CCDC146: variants seen among roughly 807,000 people sequenced by gnomAD.
CCDC146 encodes the protein coiled-coil domain-containing protein 146.
Under a neutral mutation model 119.3 loss-of-function variants are expected in CCDC146, and 92 were observed. That is an observed-to-expected ratio of 0.77 (90% confidence interval 0.65 to 0.92). CCDC146 has a LOEUF of 0.92. CCDC146 is among the 40% of genes least tolerant of loss of function. The pLI is 0.00. For synonymous variants in CCDC146, 372 were observed against 371.8 expected (o/e 1.00, Z -0.01); for missense variants, 1,000 against 1,103.0 (o/e 0.91, Z 1.32).
chr7:77,162,409 T>C (rs938371099), intron 1 of CCDC146, among the ~76,000 whole-genome samples: 5 of 152,240 alleles, frequency 3.3e-5, no homozygotes, highest in Non-Finnish European at 7.3e-5. Flanking sequence ...ATCTATGTTG[T>C]GCATTCTTGA....
At chr7:77,269,895 G>A (rs1049158940) in intron 9 of CCDC146, among the ~76,000 whole-genome samples, 1 of 152,122 alleles carries the variant, frequency 6.6e-6, no homozygotes, top group African/African-American at 2.4e-5. Context: ...AACAGGAGTG[G>A]GTCAGGCCAG....
At chr7:77,197,417 T>C (rs1791895068) in intron 2 of CCDC146, among the ~76,000 whole-genome samples, 1 of 152,226 alleles carries the variant, frequency 6.6e-6, no homozygotes, top group Non-Finnish European at 1.5e-5. Flanking sequence ...GATCAGTGGC[T>C]TGCCCACCTT....
chr7:77,131,552 T>C (rs958024010), intron 1 of CCDC146, among the ~76,000 whole-genome samples: 9 of 152,036 alleles, frequency 5.9e-5, no homozygotes, highest in Non-Finnish European at 5.9e-5. Flanking sequence ...ACCACGTCTC[T>C]ACTAAAAATA....
In CCDC146 at chr7:77,274,533, G is replaced by T. The variant is rs772445930; in HGVS notation, c.1321G>T (p.Glu441Ter). ...SKLVEQQLAEENKLLKEQENM... is the reference protein window; with the variant it reads ...SKLVEQQLAE The stretch of plus-strand genomic sequence containing the variant: ...GTTAGTAGAACAACAACTTGCAGAA[G>T]AAAACAAGCTTTTAAAGGAGCAAGA... Residue 441 changes from glutamate (E) to a stop codon, truncating the protein, a stop_gained, in exon 11 of 19, where the codon GAA becomes TAA. Transcript: ENST00000285871. LOFTEE classifies it high-confidence loss of function. The T allele has an allele frequency of 6.2e-7, 1 of 1,609,564 alleles. No homozygotes were observed. The highest frequency in any genetic ancestry group is 1.1e-5 in the South Asian group (1 of 90,284).
chr7:77,256,108 G>A (rs532515575), intron 5 of CCDC146, among the ~76,000 whole-genome samples: 2 of 151,872 alleles, frequency 1.3e-5, no homozygotes, highest in East Asian at 3.9e-4. Flanking sequence ...ATAATGTTGT[G>A]TTTAATTATA....
chr7:77,175,239 G>A (rs1442677131), intron 2 of CCDC146, among the ~76,000 whole-genome samples: 1 of 150,430 alleles, frequency 6.6e-6, no homozygotes, highest in East Asian at 2.0e-4. Context: ...CGAAATAATT[G>A]GCTCTTTGCT....
In CCDC146 at chr7:77,215,191, T is replaced by G. The variant is rs535227521; in HGVS notation, c.157-21756T>G. 4.2e-4 allele frequency among the ~76,000 whole-genome samples: 21 copies of G among 49,950 alleles called. No individual in the cohort carries two copies. The East Asian group carries it at 8.8e-3, about 21-fold the overall frequency. 32.8% of individuals were successfully genotyped at this position (49,950 alleles called of 152,430 possible). A position where few individuals can be genotyped will look rare whatever the true frequency, so the allele number is the denominator to read the frequency against. ...GTGGGGTGTTTTTATTTTTTTGGTG[T>G]TTTTTTTTTTTTGAAGTATTACTGT... On this transcript the variant is annotated intron_variant, in intron 2 of 18. Coordinates refer to ENST00000285871, the MANE Select transcript of CCDC146 (RefSeq NM_020879.3).
At chr7:77,290,503 G>A (rs1361745699) in intron 17 of CCDC146, among the ~76,000 whole-genome samples, 1 of 152,146 alleles carries the variant, frequency 6.6e-6, no homozygotes, top group East Asian at 1.9e-4. Flanking sequence ...AGAAACATAA[G>A]ACATGCTAAT....
At chr7:77,231,606 A>G (rs28827825) in intron 2 of CCDC146, among the ~76,000 whole-genome samples, 4,278 of 152,000 alleles carry the variant, frequency 0.028, 193 homozygotes, top group African/African-American at 0.097. Context: ...GAATTTTTCA[A>G]TTATGATTTT....
intron 2 of CCDC146, among the ~76,000 whole-genome samples, chr7:77,221,788 T>C (rs66471312): frequency 0.18 from 27,362 of 152,108 alleles, 2,683 homozygotes; most frequent in African/African-American, 0.26. Context: ...TCAACATTTT[T>C]GAGAACCTGA....
chr7:77,145,152 T>C (rs1790995382), intron 1 of CCDC146, among the ~76,000 whole-genome samples: 1 of 151,764 alleles, frequency 6.6e-6, no homozygotes, highest in Non-Finnish European at 1.5e-5. Flanking sequence ...CTTGGGAGGG[T>C]GTATGTGTCC....
intron 2 of CCDC146, among the ~76,000 whole-genome samples, chr7:77,209,296 A>G (rs987778321): frequency 2.6e-5 from 4 of 152,216 alleles, no homozygotes; most frequent in African/African-American, 9.6e-5. Flanking sequence ...TACAGGCCCC[A>G]TGCAAATCCA....
chr7:77,279,119 T>G lies in CCDC146; in HGVS notation c.1694+18T>G, dbSNP rs369158339. 2.5e-6 allele frequency: 4 copies of G among 1,599,592 alleles called. No homozygotes were observed. The highest frequency in any genetic ancestry group is 1.1e-5 in the South Asian group (1 of 87,074). On this transcript the variant is annotated intron_variant, in intron 13 of 18. Transcript: ENST00000285871. ...CAAGAAAGGTAAGTGTTATAATAAC[T>G]ATTGGCCTTTCAAAGGCTTGTTTTC...
intron 9 of CCDC146, among the ~76,000 whole-genome samples, chr7:77,263,303 C>T (rs543659838): frequency 3.9e-5 from 6 of 152,246 alleles, no homozygotes; most frequent in Non-Finnish European, 8.8e-5. Flanking sequence ...CAATGTGAGA[C>T]CCTCTAGCTG....
At chr7:77,168,489 T>G (rs1426855598) in intron 2 of CCDC146, among the ~76,000 whole-genome samples, 3 of 151,988 alleles carry the variant, frequency 2.0e-5, no homozygotes, top group Non-Finnish European at 4.4e-5. Context: ...AATAAAACAT[T>G]CTAAGAAATT....
In CCDC146 at chr7:77,198,242, G is replaced by A. The variant is rs544264957; in HGVS notation, c.156+30418G>A. 11 of 985,416 alleles carry A rather than the reference G, an allele frequency of 1.1e-5. No individual in the cohort carries two copies. In the South Asian group the frequency reaches 4.2e-4, roughly 38 times the overall value. 61.0% of individuals were successfully genotyped at this position (985,416 alleles called of 1,614,324 possible). On this transcript the variant is annotated intron_variant, in intron 2 of 18. Transcript: ENST00000285871. ...TCCCTCCTTCACTGGCAGATGCCCT[G>A]GGGATGGAGCATGCCTGAGATACTG... is the stretch of plus-strand genomic sequence containing the variant.
At chr7:77,288,005 C>G (rs1237580884) in intron 17 of CCDC146, among the ~76,000 whole-genome samples, 1 of 152,220 alleles carries the variant, frequency 6.6e-6, no homozygotes, top group Non-Finnish European at 1.5e-5. Flanking sequence ...AATGCAGTCA[C>G]ACAACACCCA....
chr7:77,184,131 A>C (rs889579845), intron 2 of CCDC146, among the ~76,000 whole-genome samples: 10 of 152,250 alleles, frequency 6.6e-5, no homozygotes, highest in Non-Finnish European at 1.5e-4. Flanking sequence ...ATTTTTTGAA[A>C]GATAAAAAAT....
Position 77,196,556 on chromosome 7 carries a change from T to A in CCDC146, c.156+28732T>A, listed in dbSNP as rs746412322. 6 of 1,614,216 alleles carry A rather than the reference T, an allele frequency of 3.7e-6. No homozygotes were observed. The highest frequency in any genetic ancestry group is 3.4e-6 in the Non-Finnish European group (4 of 1,180,030). On this transcript the variant is annotated intron_variant, in intron 2 of 18. Transcript: ENST00000285871. This position sits in a 1 kb window ranked among gnomAD's most constrained non-coding sequence, Gnocchi z 4.2. ...GAAAAACTTCAGATCGTGGTTGTAA[T>A]GTTTGTTGAAACGTAATGCATCTCC...
Sources: allele counts gnomAD v4.1 joint callset (sites outside exome capture counted in the v4.1 genomes callset), GRCh38; gene constraint gnomAD v4.1.1; non-coding constraint Gnocchi (gnomAD v3.1); transcripts MANE v1.5; gene names NCBI Gene and HGNC (gene_info 2026-07-23, HGNC 2026-07-21).